The following EHBP1 variants were observed in gnomAD, a reference collection of about 807,000 sequenced individuals.
The protein encoded by EHBP1 is EH domain binding protein 1, also known as EH domain-binding protein 1.
EHBP1 carries 55 observed loss-of-function variants against 144.0 expected under a neutral mutation model. That is an observed-to-expected ratio of 0.38 (90% CI 0.31 to 0.48). The LOEUF (loss-of-function observed/expected upper bound fraction) is 0.48, where lower values mean the gene tolerates loss of function less well. Among genes scored for constraint, EHBP1 ranks in the 20% least tolerant of loss-of-function variants. The probability of loss-of-function intolerance (pLI) is 0.98; values close to 1 mark genes in which losing one functional copy is unlikely to be tolerated. For missense variants in EHBP1, 1,200 were observed against 1,364.2 expected (o/e 0.88, Z 1.90); for synonymous variants, 469 against 472.7 (o/e 0.99, Z 0.10).
At chr2:62,903,298 A>G (rs1380059240) in intron 10 of EHBP1, among the ~76,000 whole-genome samples, 3 of 152,242 alleles carry the variant, frequency 2.0e-5, no homozygotes, top group African/African-American at 7.2e-5. Flanking sequence ...CATTTTTACA[A>G]TAAATTTCTA....
chr2:62,728,278 A>ATGCT (rs2037038751), intron 2 of EHBP1, among the ~76,000 whole-genome samples: 2 of 152,230 alleles, frequency 1.3e-5, no homozygotes, highest in African/African-American at 4.8e-5. Context: ...TGGAAGTGGA[A>ATGCT]TGCTGGACCA....
chr2:62,808,769 G>C (rs998651734), intron 5 of EHBP1, among the ~76,000 whole-genome samples: 3 of 152,132 alleles, frequency 2.0e-5, no homozygotes, highest in Non-Finnish European at 4.4e-5. Flanking sequence ...GTGTGGAGGA[G>C]GGAAGCATTC....
At chr2:62,730,739 TACAC>T (rs1260201569) in intron 2 of EHBP1, among the ~76,000 whole-genome samples, 1 of 118,266 alleles carries the variant, frequency 8.5e-6, no homozygotes, top group Non-Finnish European at 1.8e-5. Flanking sequence ...TACACAAAGA[TACAC>T]AAAGAGAGAA....
At chr2:62,938,145 G>A (rs1009678780) in intron 10 of EHBP1, among the ~76,000 whole-genome samples, 1 of 152,074 alleles carries the variant, frequency 6.6e-6, no homozygotes, top group Non-Finnish European at 1.5e-5. Context: ...ATGAAAATGA[G>A]CAGGTTGTAA....
intron 19 of EHBP1, among the ~76,000 whole-genome samples, chr2:63,024,668 A>G (rs978142819): frequency 1.3e-5 from 2 of 151,840 alleles, no homozygotes; most frequent in Non-Finnish European, 2.9e-5. Flanking sequence ...ATTTGTTTTT[A>G]CTCAAATGCT....
At chr2:62,945,777 G>C (rs941573671) in intron 12 of EHBP1, among the ~76,000 whole-genome samples, 1 of 152,026 alleles carries the variant, frequency 6.6e-6, no homozygotes, top group Non-Finnish European at 1.5e-5. Context: ...ACAAAAAAAT[G>C]GTTGTTTTTT....
In EHBP1 at chr2:62,948,276, C is replaced by T. The variant is rs1267919196; in HGVS notation, c.1430C>T (p.Ala477Val). 1 of 1,569,786 alleles carries T rather than the reference C, an allele frequency of 6.4e-7. No homozygotes were observed. The highest frequency in any genetic ancestry group is 1.2e-5 in the South Asian group (1 of 83,984). The change falls in exon 13 of 23, where the codon GCC becomes GTC. Residue 477 changes from alanine (A) to valine (V), a missense_variant. By Grantham distance (64) the Ala-to-Val change is moderately conservative. Coordinates refer to ENST00000431489, the MANE Select transcript of EHBP1 (RefSeq NM_001142616.3). Reference sequence around the variant, plus strand: ...CCTTTGAAGGCATACGATGGATTTGCCAGCATAGGAATTTCCCGATTATTG... The same window carrying T: ...CCTTTGAAGGCATACGATGGATTTGTCAGCATAGGAATTTCCCGATTATTG... ...ENNKKAYDGF[A>V]SIGISRLLEP...
chr2:62,810,882 G>A, intron 5 of EHBP1, among the ~76,000 whole-genome samples: 1 of 152,164 alleles, frequency 6.6e-6, no homozygotes. Flanking sequence ...CAGGGGAAGG[G>A]ATTCATATAA....
chr2:62,840,048 A>C (rs1361463419), intron 7 of EHBP1, among the ~76,000 whole-genome samples: 3 of 152,284 alleles, frequency 2.0e-5, no homozygotes, highest in African/African-American at 7.2e-5. Flanking sequence ...CTAAGCCAAA[A>C]GAACAAAGCT....
At chr2:62,786,690 T>A (rs769294510) in intron 5 of EHBP1, among the ~76,000 whole-genome samples, 1 of 152,246 alleles carries the variant, frequency 6.6e-6, no homozygotes, top group African/African-American at 2.4e-5. Context: ...TCACATCTTG[T>A]TTAATTTCTG....
chr2:62,798,350 A>G (rs1424691434), intron 5 of EHBP1, among the ~76,000 whole-genome samples: 1 of 152,072 alleles, frequency 6.6e-6, no homozygotes, highest in African/African-American at 2.4e-5. Context: ...CCTGGGTGAC[A>G]GAGTGAGACT....
At chr2:62,831,182 A>G (rs757166813) in intron 7 of EHBP1, 24 bp downstream of exon 7, 51 of 1,569,824 alleles carry the variant, frequency 3.2e-5, no homozygotes, top group Non-Finnish European at 4.3e-5. Context: ...GCATTAAACT[A>G]AAAGTTTATC....
intron 14 of EHBP1, among the ~76,000 whole-genome samples, chr2:62,974,671 T>A (rs1239952320): frequency 6.6e-6 from 1 of 152,192 alleles, no homozygotes; most frequent in African/African-American, 2.4e-5. Flanking sequence ...GTGGATTCAC[T>A]TTAAATATTT....
chr2:62,897,526 T>C lies in EHBP1; in HGVS notation c.1185+22994T>C, dbSNP rs1345686643. Among the ~76,000 whole-genome samples the C allele has an allele frequency of 2.6e-5, 4 of 152,320 alleles. No individual in the cohort carries two copies. In the East Asian group the frequency reaches 5.8e-4, roughly 22 times the overall value. The stretch of plus-strand genomic sequence containing the variant: ...AAGGCCTTCCAAAGGGGTTGTACCA[T>C]TTGCAATCAGATCTAATTCTATGAC... On this transcript the variant is annotated intron_variant, in intron 10 of 22. Coordinates refer to ENST00000431489, the MANE Select transcript of EHBP1 (RefSeq NM_001142616.3).
chr2:63,025,885 A>G (rs1254600670), intron 19 of EHBP1, among the ~76,000 whole-genome samples: 1 of 152,184 alleles, frequency 6.6e-6, no homozygotes. Context: ...ATTTTGGAAT[A>G]CACTTAACAG....
chr2:62,774,065 C>T (rs1271771217), intron 5 of EHBP1, among the ~76,000 whole-genome samples: 3 of 151,556 alleles, frequency 2.0e-5, no homozygotes, highest in Non-Finnish European at 4.4e-5. Context: ...TCTGTATTAC[C>T]ATCTGTGGGA....
intron 19 of EHBP1, among the ~76,000 whole-genome samples, chr2:63,035,114 C>G (rs2061399084): frequency 1.3e-5 from 2 of 152,016 alleles, no homozygotes; most frequent in Non-Finnish European, 2.9e-5. Context: ...GTTCAACTTA[C>G]TGGCTTTTAA....
intron 7 of EHBP1, 44 bp from the exon 8 acceptor site, chr2:62,859,125 A>G (rs1404421823): frequency 1.3e-6 from 2 of 1,546,988 alleles, no homozygotes; most frequent in Non-Finnish European, 1.8e-6. Context: ...TTCAATACTT[A>G]CACTTAACCA....
intron 15 of EHBP1, among the ~76,000 whole-genome samples, chr2:62,984,560 T>C (rs1034574876): frequency 6.6e-6 from 1 of 152,218 alleles, no homozygotes; most frequent in African/African-American, 2.4e-5. Context: ...CACATGCACA[T>C]GCACTTCAGT....
Sources: gnomAD v4.1 joint callset for allele counts (sites outside exome capture counted in the v4.1 genomes callset) on GRCh38, gnomAD v4.1.1 for gene constraint, MANE v1.5 for transcripts, NCBI Gene and HGNC (gene_info 2026-07-23, HGNC 2026-07-21) for gene names.